CT55: variants seen among roughly 807,000 people sequenced by gnomAD.
CT55 encodes the protein cancer/testis antigen 55, also known as BRCA2-interacting protein.
Under a neutral mutation model 12.6 loss-of-function variants are expected in CT55, and 1 was observed. The observed-to-expected ratio is 0.08, with a 90% CI of 0.03 to 0.38. The LOEUF (loss-of-function observed/expected upper bound fraction) is 0.38, where lower values mean the gene tolerates loss of function less well. CT55 is among the 10% of genes least tolerant of loss of function. The pLI is 0.99. For synonymous variants in CT55, 43 were observed against 49.7 expected (o/e 0.87, Z 0.57); for missense variants, 109 against 135.4 (o/e 0.80, Z 0.97).
chrX:135,171,412 T>C, upstream of CT55: 1 of 504,861 alleles, frequency 2.0e-6, no homozygotes, highest in Non-Finnish European at 3.0e-6. Context: ...CATGCGCTCG[T>C]CAGGGCCCGC....
At chrX:135,170,383 C>CTGT (rs2083605789) in intron 1 of CT55, among the ~76,000 whole-genome samples, 1 of 111,999 alleles carries the variant, frequency 8.9e-6, no homozygotes. Context: ...TAAATGTTAC[C>CTGT]TGTTAGCATT....
intron 2 of CT55, among the ~76,000 whole-genome samples, chrX:135,161,264 C>T (rs1180236514): frequency 9.0e-6 from 1 of 111,485 alleles, no homozygotes; most frequent in Non-Finnish European, 1.9e-5. Context: ...ATTTTATAAT[C>T]CTTAAAACTT....
Position 135,159,195 on chromosome X carries a change from G to A in CT55, c.425-884C>T, listed in dbSNP as rs1459968106. The stretch of plus-strand genomic sequence containing the variant: ...ACACTGTAGAATGACATAAGACACT[G>A]TGTTAGACCTGTTCTCTCTCTCTCT... On this transcript the variant is annotated intron_variant, in intron 3 of 5. Transcript: ENST00000276241. 9.1e-5 allele frequency among the ~76,000 whole-genome samples: 9 copies of A among 99,377 alleles called. No homozygotes were observed. In the East Asian group the frequency reaches 2.7e-3, roughly 30 times the overall value. The allele number at this position is 99,377 out of a possible 115,157, so 86.3% of individuals were successfully genotyped here.
Position 135,158,281 on chromosome X carries a change from T to G in CT55, c.455A>C (p.Glu152Ala), listed in dbSNP as rs1434271873. The change falls in exon 4 of 6, where the codon GAA becomes GCA. Residue 152 changes from glutamate to alanine, a missense_variant. Physicochemically the swap from Glu to Ala is moderately radical, Grantham distance 107 (BLOSUM62 -1). Coordinates refer to ENST00000276241, the MANE Select transcript of CT55 (RefSeq NM_001031705.3). ...GCCTGGCTCAGTGGAATATTCAACT[T>G]CTAACAAGTCACCCTTATAAGGCAC... The part of the protein sequence containing the change: ...DFVPYKGDLL[E>A]VEYSTEPGIS... 1.7e-6 allele frequency: 2 copies of G among 1,203,656 alleles called. No individual in the cohort carries two copies. The highest frequency in any genetic ancestry group is 2.2e-6 in the Non-Finnish European group (2 of 889,505).
chrX:135,167,210 T>C (rs782728827), intron 2 of CT55, among the ~76,000 whole-genome samples: 115 of 111,859 alleles, frequency 1.0e-3, no homozygotes, highest in African/African-American at 3.5e-3. Flanking sequence ...GACAAAGCTA[T>C]AGTAAGCATA....
upstream of CT55, among the ~76,000 whole-genome samples, chrX:135,171,670 C>T (rs2083612291): frequency 9.0e-6 from 1 of 111,498 alleles, no homozygotes; most frequent in South Asian, 3.8e-4. Context: ...AATCCTGCTC[C>T]TGCCCTTGTA....
intron 2 of CT55, among the ~76,000 whole-genome samples, chrX:135,167,554 A>G (rs2083591395): frequency 9.0e-6 from 1 of 111,548 alleles, no homozygotes; most frequent in Admixed American, 9.6e-5. Context: ...GATATTTTAA[A>G]AACAGGACCT....
intron 1 of CT55, among the ~76,000 whole-genome samples, 187 bp from the exon 2 acceptor site, chrX:135,169,965 A>G: frequency 8.9e-6 from 1 of 111,831 alleles, no homozygotes; most frequent in Admixed American, 9.4e-5. Flanking sequence ...GGTTTTTAAA[A>G]TATTTTTAAA....
intron 2 of CT55, among the ~76,000 whole-genome samples, chrX:135,168,436 T>C (rs1799275029): frequency 1.8e-5 from 2 of 111,520 alleles, no homozygotes; most frequent in South Asian, 7.5e-4. Flanking sequence ...ACCAGACGCT[T>C]GTGTTGTTAG....
intron 1 of CT55, among the ~76,000 whole-genome samples, 192 bp downstream of exon 1, chrX:135,170,886 G>C (rs1556406695): frequency 1.8e-5 from 2 of 112,018 alleles, no homozygotes; most frequent in Admixed American, 1.9e-4. Context: ...GGACAGGAGA[G>C]TTTGGGGGTT....
At chrX:135,169,483 C>T in intron 2 of CT55, 111 bp downstream of exon 2, 1 of 532,705 alleles carries the variant, frequency 1.9e-6, no homozygotes, top group Non-Finnish European at 2.9e-6. Context: ...TTGCAGTCTA[C>T]ATCCACTCTA....
chrX:135,158,168 C>G, intron 4 of CT55, 31 bp downstream of exon 4: 1 of 953,177 alleles, frequency 1.0e-6, no homozygotes, highest in Admixed American at 2.2e-5. Context: ...TTAGCAGAAA[C>G]TGCTGACGGG....
At chrX:135,163,451 G>C (rs2083570549) in intron 2 of CT55, among the ~76,000 whole-genome samples, 1 of 111,553 alleles carries the variant, frequency 9.0e-6, no homozygotes, top group East Asian at 2.8e-4. Context: ...AAGAAGAATT[G>C]ATTGAGCAAA....
Position 135,171,339 on chromosome X carries a change from G to A in CT55, c.-168C>T, listed in dbSNP as rs2083610317. The A allele has an allele frequency of 1.0e-6, 1 of 960,514 alleles. No individual in the cohort carries two copies. The highest frequency in any genetic ancestry group is 1.4e-6 in the Non-Finnish European group (1 of 729,265). 79.2% of individuals were successfully genotyped at this position (960,514 alleles called of 1,213,427 possible). On this transcript the variant is annotated 5_prime_UTR_variant, in exon 1 of 6. Transcript: ENST00000276241. ...ACCCGTTAGTGAGCCCCCCTCAGGAGAGTCAGGGACACCGCAGCCTCCAAA... is the reference window on the plus strand; with the variant it reads ...ACCCGTTAGTGAGCCCCCCTCAGGAAAGTCAGGGACACCGCAGCCTCCAAA...
Position 135,171,208 on chromosome X carries a change from T to C in CT55, c.-37A>G, listed in dbSNP as rs1310696833. ...TCACCACCGGCCTGGGCACCGCTTG[T>C]GGCAGATGAAGCACGAGGCCTCCTC... On this transcript the variant is annotated 5_prime_UTR_variant, in exon 1 of 6. Coordinates refer to ENST00000276241, the MANE Select transcript of CT55 (RefSeq NM_001031705.3). 8.3e-7 allele frequency: 1 copy of C among 1,208,787 alleles called. No homozygotes were observed. Among genetic ancestry groups the C allele is most frequent in the Admixed American group, 2.2e-5 (1 of 45,909 alleles).
At chrX:135,160,047 T>G (rs2083556026) in intron 3 of CT55, among the ~76,000 whole-genome samples, 2 of 111,536 alleles carry the variant, frequency 1.8e-5, no homozygotes, top group African/African-American at 6.5e-5. Flanking sequence ...TCACAGAAAC[T>G]TCTCTAGTAA....
chrX:135,162,867 A>G (rs1318689972), intron 2 of CT55, among the ~76,000 whole-genome samples: 1 of 111,639 alleles, frequency 9.0e-6, no homozygotes, highest in East Asian at 2.8e-4. Flanking sequence ...TATGCTCAGA[A>G]TAATCTACAG....
intron 1 of CT55, among the ~76,000 whole-genome samples, chrX:135,170,060 G>A (rs1475571482): frequency 1.1e-4 from 12 of 111,721 alleles, no homozygotes; most frequent in Non-Finnish European, 2.1e-4. Flanking sequence ...GGGCTGGAGT[G>A]CAGTGGCGCA....
chrX:135,170,722 C>T (rs1459467787), intron 1 of CT55, among the ~76,000 whole-genome samples: 1 of 111,447 alleles, frequency 9.0e-6, no homozygotes, highest in Non-Finnish European at 1.9e-5. Flanking sequence ...AATTACATTC[C>T]CGTTTGGGAT....
Sources: allele counts gnomAD v4.1 joint callset (sites outside exome capture counted in the v4.1 genomes callset), GRCh38; gene constraint gnomAD v4.1.1; transcripts MANE v1.5; gene names NCBI Gene and HGNC (gene_info 2026-07-23, HGNC 2026-07-21).